PLIN4: variants seen among roughly 807,000 people sequenced by gnomAD.
PLIN4 encodes perilipin-4.
PLIN4 carries 57 observed loss-of-function variants against 52.4 expected under a neutral mutation model. The ratio of observed to expected loss-of-function variants is 1.09; its 90% CI spans 0.88 to 1.36. PLIN4 has a LOEUF of 1.36. Ranked by LOEUF, PLIN4 falls within the 40% of genes most tolerant of loss-of-function variation. The probability of loss-of-function intolerance (pLI) is 0.00; values close to 1 mark genes in which losing one functional copy is unlikely to be tolerated. For synonymous variants in PLIN4, 826 were observed against 785.4 expected (o/e 1.05, Z -0.86); for missense variants, 1,757 against 1,770.3 (o/e 0.99, Z 0.13).
In PLIN4 at chr19:4,512,721, C is replaced by G. The variant is rs748200807; in HGVS notation, c.1239G>C (p.Val413=). ...MSTGLTGAAN[V]AKGAMQTGLN... ...GCCCAGTTTGCATGGCCCCCTTGGCCACATTCGCTGCCCCTGTGAGCCCAG... is the reference window on the plus strand; with the variant it reads ...GCCCAGTTTGCATGGCCCCCTTGGCGACATTCGCTGCCCCTGTGAGCCCAG... The change falls in exon 5 of 8, where the codon GTG becomes GTC. Residue 413 remains valine (V), a synonymous_variant. Transcript: ENST00000301286. 6.4e-7 allele frequency: 1 copy of G among 1,557,372 alleles called. No homozygotes were observed. The highest frequency in any genetic ancestry group is 8.6e-7 in the Non-Finnish European group (1 of 1,157,840).
At position 4,517,714 on chromosome 19, in the gene PLIN4, G is replaced by C. The variant is rs78269307; in HGVS notation, c.52-16C>G. On this transcript the variant is annotated splice_polypyrimidine_tract_variant and intron_variant, in intron 2 of 7. Transcript: ENST00000301286. ...TGCCCAGGGTCTGCATGGGGGCGGGGGGTGTGCAGGATGAGCAGGCCAAGC... is the reference window on the plus strand; with the variant it reads ...TGCCCAGGGTCTGCATGGGGGCGGGCGGTGTGCAGGATGAGCAGGCCAAGC... 6.4e-7 allele frequency: 1 copy of C among 1,571,306 alleles called. No homozygotes were observed. The highest frequency in any genetic ancestry group is 1.4e-5 in the African/African-American group (1 of 73,976).
rs539563816 is a variant in PLIN4 at position 4,511,944 on chromosome 19, G to A, written c.2016C>T (p.Thr672=). 3.6e-5 allele frequency: 57 copies of A among 1,600,206 alleles called. No individual in the cohort carries two copies. The highest frequency in any genetic ancestry group is 1.7e-4 in the Middle Eastern group (1 of 5,972). The part of the protein sequence containing the change: ...GTKNTFGSGV[T]SAVNVAKGAA... ...CCCCTTTGGCCACATTCACAGCACT[G>A]GTCACCCCACTGCCAAAGGTGTTCT... The change falls in exon 5 of 8, where the codon ACC becomes ACT. Residue 672 remains threonine, a synonymous_variant. Coordinates refer to ENST00000301286, the MANE Select transcript of PLIN4 (RefSeq NM_001367868.2).
At position 4,513,273 on chromosome 19, in the gene PLIN4, A is replaced by G; in HGVS notation, c.687T>C (p.Ala229=). 1 of 1,613,760 alleles carries G rather than the reference A, an allele frequency of 6.2e-7. No individual in the cohort carries two copies. Among genetic ancestry groups the G allele is most frequent in the Non-Finnish European group, 8.5e-7 (1 of 1,179,866 alleles). ...CAGCATCTTTGGTGCCGGTCAGCAC[A>G]GCCTTGGAGGTTTCCACGCCAGTCT... ...TVQTGVETSK[A]VLTGTKDAVS... The change falls in exon 5 of 8, where the codon GCT becomes GCC. Residue 229 remains alanine (A), a synonymous_variant. Coordinates refer to ENST00000301286, the MANE Select transcript of PLIN4 (RefSeq NM_001367868.2).
Position 4,512,313 on chromosome 19 carries a change from G to A in PLIN4, c.1647C>T (p.Ala549=), listed in dbSNP as rs749905440. Residue 549 remains alanine, a synonymous_variant, in exon 5 of 8, where the codon GCC becomes GCT. Transcript: ENST00000301286. ...VTSAVNVAKG[A]VQGGLDTTKS... Reference sequence around the variant, plus strand: ...TGGTGGTGTCCAGGCCCCCCTGGACGGCCCCTTTGGCCACGTTCACAGCAC... The same window carrying A: ...TGGTGGTGTCCAGGCCCCCCTGGACAGCCCCTTTGGCCACGTTCACAGCAC... 2.6e-5 allele frequency: 41 copies of A among 1,602,642 alleles called. No individual in the cohort carries two copies. The highest frequency in any genetic ancestry group is 8.4e-5 in the African/African-American group (6 of 71,018).
In PLIN4 at chr19:4,504,082, A is replaced by G. The variant is rs1279664832; in HGVS notation, c.*377T>C. On this transcript the variant is annotated 3_prime_UTR_variant, in exon 8 of 8. Transcript: ENST00000301286. ...GGACTGGAAGAGCCCTGCTAGATAT[A>G]AAAGGGTTGCTAGCGGGGCAAACAG... The G allele has an allele frequency of 5.3e-6, 1 of 189,966 alleles. No individual in the cohort carries two copies. The highest frequency in any genetic ancestry group is 1.3e-4 in the East Asian group (1 of 7,424). 11.8% of individuals were successfully genotyped at this position (189,966 alleles called of 1,614,324 possible).
chr19:4,508,242 C>T (rs1976157815), intron 6 of PLIN4, among the ~76,000 whole-genome samples: 2 of 152,126 alleles, frequency 1.3e-5, no homozygotes. Context: ...GATTGTTTTG[C>T]TGTCTTTGTG....
chr19:4,509,036 G>T (rs1432620415), intron 5 of PLIN4, 81 bp from the exon 6 acceptor site: 3 of 1,388,628 alleles, frequency 2.2e-6, no homozygotes, highest in East Asian at 2.5e-5. Flanking sequence ...AGGGCCGGGC[G>T]CGGCGGTTCC....
chr19:4,512,525 C>T lies in PLIN4; in HGVS notation c.1435G>A (p.Val479Met), dbSNP rs1455505874. The T allele has an allele frequency of 6.2e-7, 1 of 1,609,028 alleles. No homozygotes were observed. The highest frequency in any genetic ancestry group is 8.5e-7 in the Non-Finnish European group (1 of 1,177,220). Residue 479 changes from valine (V) to methionine (M), a missense_variant, in exon 5 of 8, where the codon GTG becomes ATG. This residue lies in a region of PLIN4 where 439 missense variants were observed against 406.4 expected (regional missense o/e 1.08). Transcript: ENST00000301286. ...VCSGVTGAAN[V>M]AKGAVQGGLD... is the part of the protein sequence containing the mutation. ...CCGCCCTGGACGGCCCCTTTGGCCA[C>T]ATTCGCAGCACCGGTGACCCCACTG...
intron 6 of PLIN4, among the ~76,000 whole-genome samples, chr19:4,507,366 G>T (rs1054702865): frequency 6.6e-6 from 1 of 152,244 alleles, no homozygotes; most frequent in Non-Finnish European, 1.5e-5. Flanking sequence ...GAGCGCAGAA[G>T]CTCAAGACCA....
At chr19:4,505,365 G>A (rs993881543) in intron 6 of PLIN4, among the ~76,000 whole-genome samples, 5 of 152,120 alleles carry the variant, frequency 3.3e-5, no homozygotes, top group African/African-American at 1.2e-4. Flanking sequence ...GCAGGCTTCT[G>A]CCCCAGGGCC....
chr19:4,515,918 T>C (rs750566274), intron 4 of PLIN4, among the ~76,000 whole-genome samples: 1 of 152,256 alleles, frequency 6.6e-6, no homozygotes, highest in Non-Finnish European at 1.5e-5. Context: ...ACTCGCTGTG[T>C]GGCCTTAGGC....
At chr19:4,505,546 T>A (rs1976066981) in intron 6 of PLIN4, among the ~76,000 whole-genome samples, 1 of 152,136 alleles carries the variant, frequency 6.6e-6, no homozygotes, top group Non-Finnish European at 1.5e-5. Context: ...AGCGTGCGGC[T>A]TTGGTGTTCA....
intron 2 of PLIN4, 150 bp downstream of exon 2, chr19:4,518,072 G>T: frequency 1.6e-6 from 1 of 644,412 alleles, no homozygotes; most frequent in Non-Finnish European, 2.3e-6. Context: ...GAAAGGAAGG[G>T]ATTGGCATCA....
intron 6 of PLIN4, among the ~76,000 whole-genome samples, 185 bp from the exon 7 acceptor site, chr19:4,505,132 CCATGAGGT>C (rs1431416336): frequency 6.6e-6 from 1 of 152,170 alleles, no homozygotes; most frequent in Non-Finnish European, 1.5e-5. Context: ...TCAAACTTCC[CCATGAGGT>C]CATCAGGGAG....
intron 3 of PLIN4, 79 bp downstream of exon 3, chr19:4,517,475 A>C: frequency 6.7e-7 from 1 of 1,502,316 alleles, no homozygotes; most frequent in Non-Finnish European, 8.9e-7. Context: ...AAATGGCTGG[A>C]AGTCCCTGCC....
At chr19:4,506,893 G>A (rs527299765) in intron 6 of PLIN4, among the ~76,000 whole-genome samples, 2 of 152,380 alleles carry the variant, frequency 1.3e-5, no homozygotes, top group African/African-American at 4.8e-5. Flanking sequence ...CTGTGCATCT[G>A]GGGGTGGCCA....
Position 4,504,761 on chromosome 19 carries a change from T to TGGACAGAACCCC in PLIN4, c.3802_3813dup (p.Gly1268_Ser1271dup), listed in dbSNP as rs1976038385. On this transcript the variant is annotated inframe_insertion, in exon 8 of 8. Coordinates refer to ENST00000301286, the MANE Select transcript of PLIN4 (RefSeq NM_001367868.2). ...AGCTGCCGGAGAAGGCCGCAGACCCTGGACAGAACCCCGGCATCCCGCTCC... is the reference window on the plus strand; with the variant it reads ...AGCTGCCGGAGAAGGCCGCAGACCCTGGACAGAACCCCGGACAGAACCCCGGCATCCCGCTCC... The TGGACAGAACCCC allele has an allele frequency of 6.2e-7, 1 of 1,600,118 alleles. No homozygotes were observed. The highest frequency in any genetic ancestry group is 2.2e-5 in the East Asian group (1 of 44,570).
In PLIN4 at chr19:4,510,617, C is replaced by T; in HGVS notation, c.3343G>A (p.Gly1115Ser). The T allele has an allele frequency of 6.6e-7, 1 of 1,509,274 alleles. No individual in the cohort carries two copies. Among genetic ancestry groups the T allele is most frequent in the Non-Finnish European group, 8.9e-7 (1 of 1,129,662 alleles). The allele number at this position is 1,509,274 out of a possible 1,614,324, so 93.5% of individuals were successfully genotyped here. A position where few individuals can be genotyped will look rare whatever the true frequency, so the allele number is the denominator to read the frequency against. ...AACGTCGCCACGTCAGTCGCAAGGCCCTTGGTAGTGGCTGCGGCTTCCCAG... is the reference window on the plus strand; with the variant it reads ...AACGTCGCCACGTCAGTCGCAAGGCTCTTGGTAGTGGCTGCGGCTTCCCAG... ...PAWEAAATTK[G>S]LATDVATFTQ... The change falls in exon 5 of 8, where the codon GGC (glycine) becomes AGC (serine). Residue 1115 changes from glycine (G) to serine (S), a missense_variant. Transcript: ENST00000301286.
At position 4,516,605 on chromosome 19, in the gene PLIN4, A is replaced by T; in HGVS notation, c.258+12T>A. On this transcript the variant is annotated intron_variant, in intron 4 of 7. Coordinates refer to ENST00000301286, the MANE Select transcript of PLIN4 (RefSeq NM_001367868.2). Reference sequence around the variant, plus strand: ...CCTGCCACATCAGACCCTGCCCTGCACATCCTCTCACCTTTTCCGAAGGTT... The same window carrying T: ...CCTGCCACATCAGACCCTGCCCTGCTCATCCTCTCACCTTTTCCGAAGGTT... The T allele has an allele frequency of 6.2e-7, 1 of 1,600,334 alleles. No individual in the cohort carries two copies. Among genetic ancestry groups the T allele is most frequent in the Non-Finnish European group, 8.5e-7 (1 of 1,173,602 alleles).
Sources: allele counts gnomAD v4.1 joint callset (sites outside exome capture counted in the v4.1 genomes callset), GRCh38; gene constraint gnomAD v4.1.1; regional missense constraint gnomAD v4.1.1; transcripts MANE v1.5; gene names NCBI Gene and HGNC (gene_info 2026-07-23, HGNC 2026-07-21).